The following MCF2 variants were observed in gnomAD, a reference collection of about 807,000 sequenced individuals.
MCF2 encodes MCF.2 cell line derived transforming sequence.
In MCF2, 44 loss-of-function variants were observed where a neutral mutation model predicts 82.5. The ratio of observed to expected loss-of-function variants is 0.53; its 90% CI spans 0.42 to 0.69. The LOEUF (loss-of-function observed/expected upper bound fraction) is 0.69, where lower values mean the gene tolerates loss of function less well. Ranked by LOEUF, MCF2 falls within the 30% of genes least tolerant of loss-of-function variation. The pLI is 0.00. For missense variants in MCF2, 623 were observed against 663.1 expected (o/e 0.94, Z 0.66); for synonymous variants, 217 against 224.9 (o/e 0.96, Z 0.32).
intron 1 of MCF2, among the ~76,000 whole-genome samples, chrX:139,690,442 A>AT (rs1277605212): frequency 4.7e-5 from 5 of 105,855 alleles, no homozygotes; most frequent in African/African-American, 1.0e-4. Flanking sequence ...TTTCAGCAAG[A>AT]TTTTTTTTTG....
At chrX:139,691,781 A>C in intron 1 of MCF2, 1 of 507,457 alleles carries the variant, frequency 2.0e-6, no homozygotes, top group Non-Finnish European at 3.4e-6. Flanking sequence ...TATAGACTGG[A>C]AAATAAAGTG....
chrX:139,604,863 A>T lies in MCF2; in HGVS notation c.1673+6T>A. The T allele has an allele frequency of 9.0e-7, 1 of 1,110,086 alleles. No individual in the cohort carries two copies. The highest frequency in any genetic ancestry group is 1.2e-6 in the Non-Finnish European group (1 of 810,033). The allele number at this position is 1,110,086 out of a possible 1,213,427, so 91.5% of individuals were successfully genotyped here. On this transcript the variant is annotated splice_donor_region_variant and intron_variant, in intron 14 of 24. Coordinates refer to ENST00000370576, the Ensembl canonical transcript of MCF2. Reference sequence around the variant, plus strand: ...AAAATAAATATTCAATTCAGCAATTACATACTCGTTATGGAATTCATATAT... The same window carrying T: ...AAAATAAATATTCAATTCAGCAATTTCATACTCGTTATGGAATTCATATAT...
At chrX:139,705,291 G>A (rs902672470) in intron 1 of MCF2, among the ~76,000 whole-genome samples, 4 of 111,975 alleles carry the variant, frequency 3.6e-5, no homozygotes, top group Non-Finnish European at 5.6e-5. Flanking sequence ...CAGCCTAGGC[G>A]ACAGAGTGAG....
At position 139,703,205 on chromosome X, in the gene MCF2, C is replaced by G. The variant is rs149262990; in HGVS notation, c.-45+4901G>C. On this transcript the variant is annotated intron_variant, in intron 1 of 27. Transcript: ENST00000414978. ...TCTGTATCTATTTTCTCTTCTAAGT[C>G]ATGAATTGAAGTCATTAGATGATAG... Among the ~76,000 whole-genome samples, 773 of 111,831 alleles carry G rather than the reference C, an allele frequency of 6.9e-3. 8 individuals carry two copies. The highest frequency in any genetic ancestry group is 0.024 in the African/African-American group (732 of 30,789).
chrX:139,594,924 A>G (rs1929914131), intron 19 of MCF2, among the ~76,000 whole-genome samples: 1 of 111,541 alleles, frequency 9.0e-6, no homozygotes, highest in African/African-American at 3.3e-5. Flanking sequence ...AAGGACATGA[A>G]CAGACACTTC....
chrX:139,691,794 C>T (rs1392609072), intron 1 of MCF2: 3 of 540,373 alleles, frequency 5.6e-6, no homozygotes, highest in African/African-American at 2.4e-5. Flanking sequence ...ATAAAGTGCG[C>T]GCGGGGAGGG....
At chrX:139,678,343 A>G (rs902256795) in intron 1 of MCF2, among the ~76,000 whole-genome samples, 7 of 111,721 alleles carry the variant, frequency 6.3e-5, no homozygotes, top group African/African-American at 2.3e-4. Context: ...GTGAGGATTC[A>G]AATCTTACAC....
chrX:139,599,722 C>T (rs4824942), intron 16 of MCF2, among the ~76,000 whole-genome samples: 43,352 of 110,514 alleles, frequency 0.39, 6,978 homozygotes, highest in Middle Eastern at 0.54. Context: ...AAATGCAAAA[C>T]GGTGCAGTAA....
chrX:139,623,143 A>T (rs1348458932), intron 6 of MCF2, among the ~76,000 whole-genome samples: 1 of 111,686 alleles, frequency 9.0e-6, no homozygotes, highest in Non-Finnish European at 1.9e-5. Flanking sequence ...GGGAAAGTAA[A>T]TTAGTTCAGC....
intron 1 of MCF2, among the ~76,000 whole-genome samples, chrX:139,665,824 T>C (rs1050657805): frequency 9.5e-6 from 1 of 105,123 alleles, no homozygotes; most frequent in African/African-American, 3.4e-5. Context: ...GAGTTATGTG[T>C]TTTCATGTGT....
intron 1 of MCF2, among the ~76,000 whole-genome samples, chrX:139,690,452 G>A (rs1444132452): frequency 2.2e-5 from 2 of 91,511 alleles, no homozygotes; most frequent in Non-Finnish European, 4.2e-5. Context: ...ATTTTTTTTT[G>A]TAGTCTCCAA....
chrX:139,621,631 G>A (rs1301775226), intron 6 of MCF2, among the ~76,000 whole-genome samples: 1 of 111,622 alleles, frequency 9.0e-6, no homozygotes, highest in Admixed American at 9.5e-5. Flanking sequence ...AATGGGGAAA[G>A]GATTCCCTAT....
At chrX:139,632,510 C>T in intron 1 of MCF2, 56 bp from the exon 5 acceptor site, 2 of 1,032,172 alleles carry the variant, frequency 1.9e-6, no homozygotes. Flanking sequence ...ACACACTCAA[C>T]TGAGCACATA....
intron 2 of MCF2, among the ~76,000 whole-genome samples, chrX:139,651,201 A>C (rs1933998324): frequency 8.9e-6 from 1 of 111,757 alleles, no homozygotes; most frequent in African/African-American, 3.3e-5. Flanking sequence ...TGTTAAATTT[A>C]TTTTACCATA....
At chrX:139,674,505 T>C (rs1169151584) in intron 1 of MCF2, among the ~76,000 whole-genome samples, 1 of 112,165 alleles carries the variant, frequency 8.9e-6, no homozygotes, top group Admixed American at 9.4e-5. Flanking sequence ...AGAGCTCTTG[T>C]AAGGCAGGCC....
intron 6 of MCF2, among the ~76,000 whole-genome samples, chrX:139,623,461 A>C (rs929654921): frequency 3.6e-5 from 4 of 111,903 alleles, no homozygotes; most frequent in Non-Finnish European, 7.5e-5. Flanking sequence ...TATCCTAAGC[A>C]AACTAACACA....
At chrX:139,703,094 C>A (rs1341106177) in intron 1 of MCF2, among the ~76,000 whole-genome samples, 2 of 112,173 alleles carry the variant, frequency 1.8e-5, no homozygotes, top group Non-Finnish European at 3.8e-5. Flanking sequence ...TGTAAGGTTG[C>A]ATGAGGCTTC....
rs1216662040 is a variant in MCF2 at position 139,597,600 on chromosome X, C to T, written c.1930-15G>A. On this transcript the variant is annotated splice_polypyrimidine_tract_variant and intron_variant, in intron 17 of 24. Coordinates refer to ENST00000370576, the Ensembl canonical transcript of MCF2. ...TTTAATAGCTCCTGTAATTAGAAAT[C>T]AGGAATTAATATTAGGCAGATATTA... is the stretch of plus-strand genomic sequence containing the variant. The T allele has an allele frequency of 1.8e-6, 2 of 1,131,278 alleles. No homozygotes were observed. The highest frequency in any genetic ancestry group is 5.4e-5 in the Admixed American group (2 of 37,383). The allele number at this position is 1,131,278 out of a possible 1,213,427, so 93.2% of individuals were successfully genotyped here.
In MCF2 at chrX:139,588,680, G is replaced by T. The variant is rs191480427; in HGVS notation, c.2371-242C>A. ...AATCCCAGGACTTTGGGAGGCCAAG[G>T]TGGGCAGATCTCTTGAGCCCAGGAG... is the stretch of plus-strand genomic sequence containing the variant. On this transcript the variant is annotated intron_variant, in intron 20 of 24. Transcript: ENST00000370576. Among the ~76,000 whole-genome samples the T allele has an allele frequency of 1.6e-3, 171 of 110,241 alleles. 3 individuals carry two copies. Among genetic ancestry groups the T allele is most frequent in the South Asian group, 2.0e-3 (5 of 2,551 alleles).
Sources: allele counts gnomAD v4.1 joint callset (sites outside exome capture counted in the v4.1 genomes callset), GRCh38; gene constraint gnomAD v4.1.1; transcripts MANE v1.5; gene names NCBI Gene and HGNC (gene_info 2026-07-23, HGNC 2026-07-21).